Variants in EIF4E1B observed in about 807,000 individuals in gnomAD.
EIF4E1B encodes eukaryotic translation initiation factor 4E type 1B.
In EIF4E1B, 22 loss-of-function variants were observed where a neutral mutation model predicts 31.3. The ratio of observed to expected loss-of-function variants is 0.70; its 90% CI spans 0.50 to 1.00. The LOEUF is 1.00. Among genes scored for constraint, EIF4E1B ranks in the 50% least tolerant of loss-of-function variants. The pLI is 0.00. For synonymous variants in EIF4E1B, 126 were observed against 120.2 expected (o/e 1.05, Z -0.31); for missense variants, 290 against 311.6 (o/e 0.93, Z 0.52).
intron 6 of EIF4E1B, chr5:176,644,712 G>C: frequency 3.8e-6 from 2 of 525,698 alleles, no homozygotes; most frequent in African/African-American, 1.9e-5. Context: ...CATCAGAATT[G>C]CTTGAGGACA....
At position 176,645,537 on chromosome 5, in the gene EIF4E1B, A is replaced by T; in HGVS notation, c.614+21A>T. On this transcript the variant is annotated intron_variant, in intron 8 of 8. Coordinates refer to ENST00000318682, the MANE Select transcript of EIF4E1B (RefSeq NM_001099408.2). This position sits in a 1 kb window ranked among gnomAD's most constrained non-coding sequence, Gnocchi z 5.4. ...GTTGGGTGAGGAGGGTCTCTGGCAC[A>T]GGGTGGGGACTTGGGTCTCTGCTAG... 6 of 1,504,996 alleles carry T rather than the reference A, an allele frequency of 4.0e-6. No homozygotes were observed. Among genetic ancestry groups the T allele is most frequent in the Non-Finnish European group, 5.3e-6 (6 of 1,128,648 alleles). The allele number at this position is 1,504,996 out of a possible 1,614,324, so 93.2% of individuals were successfully genotyped here. A position where few individuals can be genotyped will look rare whatever the true frequency, so the allele number is the denominator to read the frequency against.
chr5:176,631,312 A>C (rs1302395727), intron 1 of EIF4E1B, among the ~76,000 whole-genome samples: 1 of 152,184 alleles, frequency 6.6e-6, no homozygotes, highest in Non-Finnish European at 1.5e-5. Context: ...GAACAAAACC[A>C]CTTTTTTGTG....
intron 1 of EIF4E1B, among the ~76,000 whole-genome samples, chr5:176,636,063 C>T (rs541973109): frequency 2.0e-5 from 3 of 152,272 alleles, no homozygotes; most frequent in East Asian, 1.9e-4. Context: ...GTGATCTGCC[C>T]GCCTCAGCCT....
chr5:176,637,784 G>A (rs1051130771), intron 1 of EIF4E1B, among the ~76,000 whole-genome samples: 1 of 152,198 alleles, frequency 6.6e-6, no homozygotes, highest in Non-Finnish European at 1.5e-5. Flanking sequence ...TGCGCTGTGA[G>A]CAGAGGAGGG....
intron 1 of EIF4E1B, among the ~76,000 whole-genome samples, chr5:176,635,095 C>T (rs977014704): frequency 2.6e-5 from 4 of 151,726 alleles, no homozygotes; most frequent in African/African-American, 4.8e-5. Flanking sequence ...CGGGGGTGCA[C>T]GGAGAGTGAA....
intron 3 of EIF4E1B, 49 bp from the exon 4 acceptor site, chr5:176,643,033 A>G: frequency 4.5e-6 from 7 of 1,558,736 alleles, no homozygotes; most frequent in Non-Finnish European, 5.2e-6. Flanking sequence ...GCACAGGGAC[A>G]GCCAGGGCCA....
In EIF4E1B at chr5:176,646,200, G is replaced by T. The variant is rs1224911059; in HGVS notation, c.*220G>T. On this transcript the variant is annotated 3_prime_UTR_variant, in exon 9 of 9. Coordinates refer to ENST00000318682, the MANE Select transcript of EIF4E1B (RefSeq NM_001099408.2). ...GGACCTAGCTTGTCCTGGGGCCACA[G>T]GACAGCAGCAGGGTGGAAAAAACTC... 1.2e-5 allele frequency: 6 copies of T among 500,704 alleles called. No homozygotes were observed. The highest frequency in any genetic ancestry group is 1.9e-5 in the African/African-American group (1 of 52,376). The allele number at this position is 500,704 out of a possible 1,614,324, so 31.0% of individuals were successfully genotyped here.
intron 1 of EIF4E1B, among the ~76,000 whole-genome samples, chr5:176,637,205 G>A (rs1276749966): frequency 2.0e-5 from 3 of 152,226 alleles, no homozygotes; most frequent in South Asian, 4.1e-4. Flanking sequence ...TTGGGAGGCC[G>A]AGGTGGGCGG....
At chr5:176,644,131 G>T (rs924992461) in intron 5 of EIF4E1B, 4 of 572,846 alleles carry the variant, frequency 7.0e-6, no homozygotes, top group African/African-American at 3.8e-5. Context: ...TGTAGCTGGA[G>T]GGGGGAGCAC....
intron 1 of EIF4E1B, among the ~76,000 whole-genome samples, chr5:176,633,573 G>T (rs1277658014): frequency 6.6e-6 from 1 of 152,130 alleles, no homozygotes; most frequent in Non-Finnish European, 1.5e-5. Flanking sequence ...GCCTACCAAA[G>T]TGCTGGGATT....
At chr5:176,634,814 C>T (rs1169935723) in intron 1 of EIF4E1B, among the ~76,000 whole-genome samples, 1 of 151,804 alleles carries the variant, frequency 6.6e-6, no homozygotes, top group African/African-American at 2.4e-5. Context: ...GGATTACAGG[C>T]ACCCGCCACC....
chr5:176,633,309 C>T (rs894421454), intron 1 of EIF4E1B, among the ~76,000 whole-genome samples: 4 of 152,130 alleles, frequency 2.6e-5, no homozygotes, highest in African/African-American at 9.7e-5. Context: ...TCATAGCTTA[C>T]TGCAGCCTCG....
Position 176,646,232 on chromosome 5 carries a change from G to A in EIF4E1B, c.*252G>A, listed in dbSNP as rs144102289. 4.6e-6 allele frequency: 2 copies of A among 438,394 alleles called. No homozygotes were observed. Among genetic ancestry groups the A allele is most frequent in the Non-Finnish European group, 8.3e-6 (2 of 239,806 alleles). The allele number at this position is 438,394 out of a possible 1,614,324, so 27.2% of individuals were successfully genotyped here. On this transcript the variant is annotated 3_prime_UTR_variant, in exon 9 of 9. Transcript: ENST00000318682. ...AGCAGGGTGGAAAAAACTCCTGAGG[G>A]TGGGGTGAGTCATGGCGGGGAAGGA...
chr5:176,640,272 G>T (rs1414560927), intron 1 of EIF4E1B, among the ~76,000 whole-genome samples: 1 of 152,228 alleles, frequency 6.6e-6, no homozygotes, highest in East Asian at 1.9e-4. Context: ...GCTGGCATCA[G>T]CTGCCCCACG....
At chr5:176,633,354 C>A (rs1158707985) in intron 1 of EIF4E1B, among the ~76,000 whole-genome samples, 1 of 152,150 alleles carries the variant, frequency 6.6e-6, no homozygotes, top group Non-Finnish European at 1.5e-5. Context: ...TCATCTCAGC[C>A]CTTTCAGTAG....
At chr5:176,632,318 C>T (rs972198270) in intron 1 of EIF4E1B, among the ~76,000 whole-genome samples, 7 of 152,110 alleles carry the variant, frequency 4.6e-5, no homozygotes, top group African/African-American at 1.7e-4. Flanking sequence ...TGCAGTGGTG[C>T]AATCTTGGGT....
At chr5:176,633,790 T>G (rs1760449274) in intron 1 of EIF4E1B, among the ~76,000 whole-genome samples, 1 of 152,064 alleles carries the variant, frequency 6.6e-6, no homozygotes, top group Non-Finnish European at 1.5e-5. Flanking sequence ...TGTCTGAACT[T>G]CAGATCACAG....
chr5:176,632,127 T>C (rs1760406954), intron 1 of EIF4E1B, among the ~76,000 whole-genome samples: 1 of 152,254 alleles, frequency 6.6e-6, no homozygotes, highest in African/African-American at 2.4e-5. Flanking sequence ...TATAAGTACT[T>C]ATAATTTTCT....
rs372021568 is a variant in EIF4E1B at position 176,645,412 on chromosome 5, C to T, written c.510C>T (p.His170=). ...LCLIGESFEE[H]SREVCGAVVN... is the part of the protein sequence containing the mutation. ...TGATCGGGGAGAGCTTTGAGGAACA[C>T]AGCAGAGAGGTATGTGGGGCCGTCG... is the stretch of plus-strand genomic sequence containing the variant. Residue 170 remains histidine (H), a synonymous_variant, in exon 8 of 9, where the codon CAC becomes CAT. Transcript: ENST00000318682. The surrounding 1 kb of genome is among the most constrained non-coding windows in gnomAD (Gnocchi z 5.4). 7.9e-6 allele frequency: 12 copies of T among 1,523,978 alleles called. No individual in the cohort carries two copies. Among genetic ancestry groups the T allele is most frequent in the Admixed American group, 2.1e-5 (1 of 46,648 alleles). The allele number at this position is 1,523,978 out of a possible 1,614,324, so 94.4% of individuals were successfully genotyped here.
Sources: gnomAD v4.1 joint callset for allele counts (sites outside exome capture counted in the v4.1 genomes callset) on GRCh38, gnomAD v4.1.1 for gene constraint, Gnocchi (gnomAD v3.1) non-coding constraint, MANE v1.5 for transcripts, NCBI Gene and HGNC (gene_info 2026-07-23, HGNC 2026-07-21) for gene names.